Variants in HECW1 observed in about 807,000 individuals in gnomAD.
HECW1 encodes HECT, C2 and WW domain containing E3 ubiquitin protein ligase 1, also known as E3 ubiquitin-protein ligase HECW1.
A neutral mutation model predicts 182.3 loss-of-function variants in HECW1; 61 were observed. The ratio of observed to expected loss-of-function variants is 0.33; its 90% CI spans 0.27 to 0.41. The LOEUF (loss-of-function observed/expected upper bound fraction) is 0.41, where lower values mean the gene tolerates loss of function less well. HECW1 is among the 10% of genes least tolerant of loss of function. HECW1 has a pLI of 1.00. For synonymous variants in HECW1, 859 were observed against 832.6 expected (o/e 1.03, Z -0.55); for missense variants, 1,739 against 2,108.9 (o/e 0.82, Z 3.44).
At chr7:43,426,785 T>C (rs970399064) in intron 8 of HECW1, among the ~76,000 whole-genome samples, 9 of 152,174 alleles carry the variant, frequency 5.9e-5, no homozygotes, top group Admixed American at 5.2e-4. Context: ...TTGTTATTTA[T>C]TCAGGTTTTC....
intron 2 of HECW1, among the ~76,000 whole-genome samples, chr7:43,125,757 TAAA>T (rs57874835): frequency 4.7e-4 from 41 of 86,540 alleles, no homozygotes; most frequent in African/African-American, 1.2e-3. Flanking sequence ...GATTCTGTCT[TAAA>T]AAAAAAAAAA....
At chr7:43,124,098 C>T (rs901161657) in intron 2 of HECW1, among the ~76,000 whole-genome samples, 4 of 152,146 alleles carry the variant, frequency 2.6e-5, no homozygotes, top group African/African-American at 4.8e-5. Flanking sequence ...GCTCCTGACT[C>T]CGTCCTTTTT....
At chr7:43,165,601 C>T (rs1791029181) in intron 2 of HECW1, among the ~76,000 whole-genome samples, 1 of 152,150 alleles carries the variant, frequency 6.6e-6, no homozygotes, top group Non-Finnish European at 1.5e-5. Flanking sequence ...GGACACAACT[C>T]TCCTATGCAG....
chr7:43,224,157 T>C (rs968537596), intron 2 of HECW1, among the ~76,000 whole-genome samples: 1 of 152,250 alleles, frequency 6.6e-6, no homozygotes, highest in Non-Finnish European at 1.5e-5. Context: ...TTCTGTCATC[T>C]AGAAAAGGCA....
At chr7:43,184,625 T>C (rs1793199302) in intron 2 of HECW1, among the ~76,000 whole-genome samples, 1 of 152,138 alleles carries the variant, frequency 6.6e-6, no homozygotes, top group Admixed American at 6.5e-5. Context: ...CCTCAACTTC[T>C]GGGGAGCAGA....
At chr7:43,336,200 T>TCTC (rs1812262768) in intron 5 of HECW1, among the ~76,000 whole-genome samples, 1 of 81,618 alleles carries the variant, frequency 1.2e-5, no homozygotes, top group Admixed American at 1.5e-4. Context: ...CTCTCTCTCT[T>TCTC]TCACTCTATT....
chr7:43,517,977 C>T (rs2080242740), intron 24 of HECW1, among the ~76,000 whole-genome samples: 1 of 152,034 alleles, frequency 6.6e-6, no homozygotes. Flanking sequence ...TTAATGATGC[C>T]AGTACTGTAA....
chr7:43,467,386 G>A (rs1209622343), intron 15 of HECW1, among the ~76,000 whole-genome samples: 3 of 152,172 alleles, frequency 2.0e-5, no homozygotes, highest in South Asian at 2.1e-4. Flanking sequence ...CACCCGTGAG[G>A]AGGCCTGGGG....
intron 20 of HECW1, 32 bp from the exon 21 acceptor site, chr7:43,501,181 T>A: frequency 8.1e-7 from 1 of 1,235,366 alleles, no homozygotes; most frequent in Admixed American, 2.1e-5. Context: ...TTTCTTTTCT[T>A]TCTTTTTTTT....
At chr7:43,185,865 A>T (rs1793348638) in intron 2 of HECW1, among the ~76,000 whole-genome samples, 2 of 152,268 alleles carry the variant, frequency 1.3e-5, no homozygotes, top group Admixed American at 1.3e-4. Context: ...TGTAATAATG[A>T]TTTCATGGTT....
In HECW1 at chr7:43,437,501, A is replaced by G. The variant is rs540822650; in HGVS notation, c.802-502A>G. Among the ~76,000 whole-genome samples the G allele has an allele frequency of 1.2e-4, 19 of 152,364 alleles. No individual in the cohort carries two copies. In the South Asian group the frequency reaches 2.3e-3, roughly 18 times the overall value. ...AGTTTAAATGCCAGTAAATATTGCC[A>G]GTTCCTTTCCCAAAGGTCAAATCAA... On this transcript the variant is annotated intron_variant, in intron 8 of 29. Coordinates refer to ENST00000395891, the MANE Select transcript of HECW1 (RefSeq NM_015052.5).
chr7:43,309,661 C>T (rs1808253774), intron 3 of HECW1, among the ~76,000 whole-genome samples: 1 of 152,184 alleles, frequency 6.6e-6, no homozygotes, highest in Admixed American at 6.5e-5. Flanking sequence ...AATAAAGGAG[C>T]CTCTCCCCTG....
chr7:43,202,242 C>T (rs1183748502), intron 2 of HECW1, among the ~76,000 whole-genome samples: 1 of 152,216 alleles, frequency 6.6e-6, no homozygotes, highest in Non-Finnish European at 1.5e-5. Context: ...ACAATGCACA[C>T]TGTCCTCTCC....
intron 2 of HECW1, among the ~76,000 whole-genome samples, chr7:43,194,793 A>G (rs1039517550): frequency 3.3e-5 from 5 of 151,586 alleles, no homozygotes; most frequent in Admixed American, 6.6e-5. Context: ...TCCTGGGTTC[A>G]AGCAATTCTC....
At chr7:43,531,886 T>C (rs1239498511) in intron 24 of HECW1, among the ~76,000 whole-genome samples, 2 of 152,210 alleles carry the variant, frequency 1.3e-5, no homozygotes, top group Non-Finnish European at 2.9e-5. Context: ...TGGGTCCGCC[T>C]CTCCATCTGC....
intron 2 of HECW1, among the ~76,000 whole-genome samples, chr7:43,202,630 C>T (rs535676434): frequency 8.2e-4 from 125 of 152,028 alleles, no homozygotes; most frequent in Middle Eastern, 6.8e-3. Flanking sequence ...CCTGCCACCA[C>T]GCCCAGCTAA....
intron 6 of HECW1, among the ~76,000 whole-genome samples, chr7:43,387,505 T>C (rs73328033): frequency 0.014 from 2,093 of 152,350 alleles, 45 homozygotes; most frequent in African/African-American, 0.048. Flanking sequence ...AACAGGACCA[T>C]CCATCTTCAG....
At chr7:43,321,471 G>A (rs929976830) in intron 5 of HECW1, among the ~76,000 whole-genome samples, 5 of 152,210 alleles carry the variant, frequency 3.3e-5, no homozygotes, top group Middle Eastern at 3.4e-3. Flanking sequence ...TCCTACATAC[G>A]AAGCTCAGAT....
rs1008126426 is a variant in HECW1, at chr7:43,274,268, A to T, written c.27+30336A>T. 2.2e-5 allele frequency: 22 copies of T among 981,222 alleles called. No individual in the cohort carries two copies. In the South Asian group the frequency reaches 3.8e-4, roughly 17 times the overall value. The allele number at this position is 981,222 out of a possible 1,614,324, so 60.8% of individuals were successfully genotyped here. ...GCATGCGAATCTTTGCGCCTAAATC[A>T]TGTCGTCGCCAAGTCCCGCTTCTGG... is the stretch of plus-strand genomic sequence containing the variant. On this transcript the variant is annotated intron_variant, in intron 3 of 29. Transcript: ENST00000395891.
Sources: allele counts gnomAD v4.1 joint callset (sites outside exome capture counted in the v4.1 genomes callset), GRCh38; gene constraint gnomAD v4.1.1; transcripts MANE v1.5; gene names NCBI Gene and HGNC (gene_info 2026-07-23, HGNC 2026-07-21).